BRD1: variants seen among roughly 807,000 people sequenced by gnomAD.
BRD1 encodes the protein bromodomain containing 1, also known as bromodomain-containing protein 1.
In BRD1, 24 loss-of-function variants were observed where a neutral mutation model predicts 107.7. That is an observed-to-expected ratio of 0.22 (90% CI 0.16 to 0.31). The LOEUF is 0.31. Among genes scored for constraint, BRD1 ranks in the 10% least tolerant of loss-of-function variants. The pLI, the probability that BRD1 is intolerant of heterozygous loss-of-function variation, is 1.00. For synonymous variants in BRD1, 744 were observed against 686.1 expected, an observed-to-expected ratio of 1.08 and a Z score of -1.32; for missense variants, 1,279 against 1,638.6, an observed-to-expected ratio of 0.78 and a Z score of 3.79.
At chr22:49,785,730 T>C (rs1277607967) in intron 8 of BRD1, among the ~76,000 whole-genome samples, 1 of 152,252 alleles carries the variant, frequency 6.6e-6, no homozygotes, top group Non-Finnish European at 1.5e-5. Flanking sequence ...TAAAAGGACA[T>C]GGGTAGAAAA....
At position 49,776,234 on chromosome 22, in the gene BRD1, C is replaced by T. The variant is rs920962923; in HGVS notation, c.3122-75G>A. ...ACGCCCCGCCCCCCCACAAAAGGTG[C>T]AGCAACAGGGTGGGTCCCCCGAGCA... On this transcript the variant is annotated intron_variant, in intron 10 of 12. Coordinates refer to ENST00000404760, the MANE Select transcript of BRD1 (RefSeq NM_001304808.3). The T allele has an allele frequency of 5.7e-5, 77 of 1,356,240 alleles. No individual in the cohort carries two copies. The Middle Eastern group carries it at 7.4e-4, about 13-fold the overall frequency. 84.0% of individuals were successfully genotyped at this position (1,356,240 alleles called of 1,614,324 possible). A position where few individuals can be genotyped will look rare whatever the true frequency, so the allele number is the denominator to read the frequency against.
intron 4 of BRD1, 68 bp downstream of exon 4, chr22:49,798,920 A>G (rs901895366): frequency 1.3e-6 from 2 of 1,528,540 alleles, no homozygotes; most frequent in East Asian, 2.3e-5. Flanking sequence ...CCTCTGCAGG[A>G]GCTGCCAGCG....
At chr22:49,794,966 C>G (rs961466733) in intron 6 of BRD1, among the ~76,000 whole-genome samples, 1 of 151,948 alleles carries the variant, frequency 6.6e-6, no homozygotes, top group African/African-American at 2.4e-5. Flanking sequence ...CTCCTCAGAG[C>G]TATCTGAAGA....
At chr22:49,776,910 G>T in intron 10 of BRD1, 124 bp downstream of exon 10, 1 of 1,413,888 alleles carries the variant, frequency 7.1e-7, no homozygotes, top group Non-Finnish European at 9.7e-7. Flanking sequence ...CGGGAGGTTG[G>T]CCAGGGTGGG....
In BRD1 at chr22:49,783,095, G is replaced by A. The variant is rs1465900969; in HGVS notation, c.2857+4295C>T. Among the ~76,000 whole-genome samples, 1 of 151,198 alleles carries A rather than the reference G, an allele frequency of 6.6e-6. No homozygotes were observed. The highest frequency in any genetic ancestry group is 1.5e-5 in the Non-Finnish European group (1 of 67,910). On this transcript the variant is annotated intron_variant, in intron 8 of 12. Transcript: ENST00000404760. The surrounding 1 kb of genome is among the most constrained non-coding windows in gnomAD (Gnocchi z 4.2). Reference sequence around the variant, plus strand: ...TGGGATGGTCAGAGACAGAACCAAGGCCCAGGCCAGACGCCTGCACGAGAC... The same window carrying A: ...TGGGATGGTCAGAGACAGAACCAAGACCCAGGCCAGACGCCTGCACGAGAC...
chr22:49,811,057 C>T (rs964672740), intron 2 of BRD1, among the ~76,000 whole-genome samples: 1 of 151,970 alleles, frequency 6.6e-6, no homozygotes, highest in African/African-American at 2.4e-5. Context: ...ATGAACATTA[C>T]GCAGCCGTGA....
At position 49,778,266 on chromosome 22, in the gene BRD1, G is replaced by A. The variant is rs149452046; in HGVS notation, c.2858-453C>T. Reference sequence around the variant, plus strand: ...CCAAAGACACAAAAACATGTTCACAGGAGCAGAGCTCCAGGGAATAGGAAA... The same window carrying A: ...CCAAAGACACAAAAACATGTTCACAAGAGCAGAGCTCCAGGGAATAGGAAA... On this transcript the variant is annotated intron_variant, in intron 8 of 12. Coordinates refer to ENST00000404760, the MANE Select transcript of BRD1 (RefSeq NM_001304808.3). 8.5e-5 allele frequency among the ~76,000 whole-genome samples: 13 copies of A among 152,356 alleles called. 1 individual carries two copies. In the East Asian group the frequency reaches 2.3e-3, roughly 27 times the overall value.
At chr22:49,779,848 G>A (rs370826078) in intron 8 of BRD1, among the ~76,000 whole-genome samples, 6 of 152,068 alleles carry the variant, frequency 3.9e-5, no homozygotes, top group East Asian at 1.9e-4. Context: ...GTGGACGGAC[G>A]GAGCCCAGCA....
At chr22:49,814,756 A>G (rs1030000753) in intron 2 of BRD1, among the ~76,000 whole-genome samples, 2 of 152,204 alleles carry the variant, frequency 1.3e-5, no homozygotes, top group Non-Finnish European at 2.9e-5. Context: ...CCTAGGCTGG[A>G]GCAGAGGTGA....
intron 2 of BRD1, among the ~76,000 whole-genome samples, chr22:49,808,487 A>G (rs1019996440): frequency 6.6e-6 from 1 of 152,204 alleles, no homozygotes. Flanking sequence ...TCATGGAGAC[A>G]GGGAGTAGAA....
chr22:49,813,201 G>A (rs886104556), intron 2 of BRD1, among the ~76,000 whole-genome samples: 6 of 152,138 alleles, frequency 3.9e-5, no homozygotes, highest in African/African-American at 1.4e-4. Context: ...GACCAACCTA[G>A]GCAACACAGT....
chr22:49,775,831 C>CCCCCGCCCCG, intron 11 of BRD1, 86 bp from the exon 12 acceptor site: 6 of 961,206 alleles, frequency 6.2e-6, no homozygotes, highest in Non-Finnish European at 6.8e-6. Flanking sequence ...CCCCGCCTCC[C>CCCCCGCCCCG]CACCCCAGCT....
At chr22:49,779,239 G>A (rs9628130) in intron 8 of BRD1, among the ~76,000 whole-genome samples, 5 of 152,264 alleles carry the variant, frequency 3.3e-5, no homozygotes, top group East Asian at 3.9e-4. Context: ...GCTGGACTGC[G>A]GGATTTTCCA....
chr22:49,781,481 G>A (rs2059206672), intron 8 of BRD1, among the ~76,000 whole-genome samples: 1 of 152,246 alleles, frequency 6.6e-6, no homozygotes, highest in African/African-American at 2.4e-5. Flanking sequence ...CCCAACCCAT[G>A]TGGACACCAC....
intron 2 of BRD1, among the ~76,000 whole-genome samples, chr22:49,809,465 C>A (rs554640599): frequency 1.3e-5 from 2 of 151,746 alleles, no homozygotes; most frequent in Non-Finnish European, 2.9e-5. Context: ...CGCTTGAACA[C>A]GGGAGGCGGA....
intron 2 of BRD1, chr22:49,806,609 G>C (rs1023658042): frequency 1.3e-5 from 2 of 152,272 alleles, no homozygotes; most frequent in Non-Finnish European, 2.9e-5. Context: ...CTGAGGGCTG[G>C]GTGGACTGAG....
In BRD1 at chr22:49,798,075, C is replaced by T. The variant is rs1436833731; in HGVS notation, c.1828G>A (p.Ala610Thr). The change falls in exon 6 of 13, where the codon GCC becomes ACC. Residue 610 changes from alanine (A) to threonine (T), a missense_variant. Coordinates refer to ENST00000404760, the MANE Select transcript of BRD1 (RefSeq NM_001304808.3). ...LDHIKHPMDF[A>T]TMRKRLEAQG... ...GCTTCTAACCGTTTCCTCATTGTGG[C>T]AAAGTCCATGGGATGTTTAATGTGA... The T allele has an allele frequency of 2.5e-6, 4 of 1,613,716 alleles. No individual in the cohort carries two copies. Among genetic ancestry groups the T allele is most frequent in the Non-Finnish European group, 3.4e-6 (4 of 1,179,748 alleles).
At chr22:49,798,954 TG>T in intron 4 of BRD1, 33 bp downstream of exon 4, 1 of 1,574,900 alleles carries the variant, frequency 6.3e-7, no homozygotes, top group Non-Finnish European at 8.6e-7. Context: ...CCGTGGCCAG[TG>T]GTGCACTCCA....
In BRD1 at chr22:49,775,692, G is replaced by C. The variant is rs551228271; in HGVS notation, c.3285C>G (p.Ile1095Met). ...TCAGCACGTCCAGGGGTGGGGCCGG[G>C]ATGGTGACGCCGTTGTGGTGGCCAG... is the stretch of plus-strand genomic sequence containing the variant. Reference protein sequence around the residue: ...RVPGHHNGVTIPAPPLDVLKI... With the variant: ...RVPGHHNGVTMPAPPLDVLKI... The change falls in exon 12 of 13, where the codon ATC becomes ATG. Residue 1095 changes from isoleucine to methionine, a missense_variant. Physicochemically the swap from Ile to Met is conservative, Grantham distance 10. Around this residue, in one of 7 missense-constraint regions of BRD1, gnomAD observed 136 missense variants for 196.8 expected, o/e 0.69. Coordinates refer to ENST00000404760, the MANE Select transcript of BRD1 (RefSeq NM_001304808.3). 1 of 1,613,820 alleles carries C rather than the reference G, an allele frequency of 6.2e-7. No individual in the cohort carries two copies. Among genetic ancestry groups the C allele is most frequent in the African/African-American group, 1.3e-5 (1 of 75,010 alleles).
Sources: gnomAD v4.1 joint callset for allele counts (sites outside exome capture counted in the v4.1 genomes callset) on GRCh38, gnomAD v4.1.1 for gene constraint, gnomAD v4.1.1 regional missense constraint, Gnocchi (gnomAD v3.1) non-coding constraint, MANE v1.5 for transcripts, NCBI Gene and HGNC (gene_info 2026-07-23, HGNC 2026-07-21) for gene names.